Variants in GPAA1 observed in about 807,000 individuals in gnomAD.
The protein encoded by GPAA1 is glycosylphosphatidylinositol anchor attachment 1, also known as GPI-anchor transamidase component GPAA1.
In GPAA1, 54 loss-of-function variants were observed where a neutral mutation model predicts 64.0. That is an observed-to-expected ratio of 0.84 (90% CI 0.68 to 1.06). The LOEUF is 1.06. Ranked by LOEUF, GPAA1 falls within the 50% of genes least tolerant of loss-of-function variation. GPAA1 has a pLI of 0.00. For missense variants in GPAA1, 780 were observed against 822.3 expected (o/e 0.95, Z 0.63); for synonymous variants, 393 against 377.3 (o/e 1.04, Z -0.48).
chr8:144,084,989 C>A, intron 8 of GPAA1, 54 bp from the exon 9 acceptor site: 3 of 1,558,806 alleles, frequency 1.9e-6, no homozygotes, highest in Admixed American at 1.7e-5. Context: ...AGCCCTGGGT[C>A]CCCCTCTGGG....
chr8:144,086,086 C>G lies in GPAA1; in HGVS notation c.1827C>G (p.Pro609=). The part of the protein sequence containing the change: ...LFPLLSLGLY[P]CWLLFWNVLF... ...CACTGCTGTCCCTGGGCCTCTACCC[C>G]TGCTGGCTGCTTTTCTGGAATGTGC... Residue 609 remains proline (P), a synonymous_variant, in exon 12 of 12, where the codon CCC becomes CCG. Coordinates refer to ENST00000355091, the MANE Select transcript of GPAA1 (RefSeq NM_003801.4). 6.2e-7 allele frequency: 1 copy of G among 1,613,722 alleles called. No individual in the cohort carries two copies. Among genetic ancestry groups the G allele is most frequent in the East Asian group, 2.2e-5 (1 of 44,880 alleles).
Position 144,085,594 on chromosome 8 carries a change from A to T in GPAA1, c.1473A>T (p.Pro491=), listed in dbSNP as rs968626124. The T allele has an allele frequency of 8.7e-6, 14 of 1,613,598 alleles. No homozygotes were observed. Among genetic ancestry groups the T allele is most frequent in the Middle Eastern group, 1.6e-4 (1 of 6,082 alleles). ...ACAGGGTGGTAAGCACACAGGCCCC[A>T]GACAGGGGCTGGATGGCACTGAAGC... ...NTHRVVSTQA[P]DRGWMALKLV... Residue 491 remains proline, a synonymous_variant, in exon 11 of 12, where the codon CCA becomes CCT. Transcript: ENST00000355091.
chr8:144,082,736 C>G lies in GPAA1; in HGVS notation c.6C>G (p.Gly2=). The change falls in exon 1 of 12, where the codon GGC becomes GGG. Residue 2 remains glycine, a synonymous_variant. Transcript: ENST00000355091. ...CCGCGCCGCCCTGCCCCGCCATGGG[C>G]CTCCTGTCGGACCCGGTTCGCCGGC... M[G]LLSDPVRRRA... is the part of the protein sequence containing the mutation. 1 of 1,459,706 alleles carries G rather than the reference C, an allele frequency of 6.9e-7. No homozygotes were observed. Among genetic ancestry groups the G allele is most frequent in the African/African-American group, 1.5e-5 (1 of 67,992 alleles). 90.4% of individuals were successfully genotyped at this position (1,459,706 alleles called of 1,614,324 possible).
chr8:144,083,648 T>TG lies in GPAA1; in HGVS notation c.367-60dup, dbSNP rs1374732770. On this transcript the variant is annotated intron_variant, in intron 3 of 11. Transcript: ENST00000355091. Reference sequence around the variant, plus strand: ...GGGCACTGGAGGGCTAGGAAAGTTGTGGGGGGCCCTTCAGCCCCCTACCAC... The same window carrying TG: ...GGGCACTGGAGGGCTAGGAAAGTTGTGGGGGGGCCCTTCAGCCCCCTACCAC... 10 of 1,511,070 alleles carry TG rather than the reference T, an allele frequency of 6.6e-6. No homozygotes were observed. The African/African-American group carries it at 8.2e-5, about 12-fold the overall frequency. The allele number at this position is 1,511,070 out of a possible 1,614,324, so 93.6% of individuals were successfully genotyped here.
chr8:144,082,830 G>C (rs782014386), intron 1 of GPAA1, 26 bp downstream of exon 1: 69 of 1,381,854 alleles, frequency 5.0e-5, no homozygotes, highest in Non-Finnish European at 6.2e-5. Context: ...GGGGAGGCGG[G>C]GACCCGAGGG....
rs1554764273 is a variant in GPAA1, at chr8:144,085,640, G to A, written c.1519G>A (p.Ala507Thr). The change falls in exon 11 of 12, where the codon GCA (alanine) becomes ACA (threonine). Residue 507 changes from alanine (A) to threonine (T), a missense_variant. Coordinates refer to ENST00000355091, the MANE Select transcript of GPAA1 (RefSeq NM_003801.4). Reference protein sequence around the residue: ...ALKLVALIYLALQLGCIALTN... With the variant: ...ALKLVALIYLTLQLGCIALTN... ...GAAGCTGGTAGCCCTGATCTACCTA[G>A]CACTGCAGCTGGGCTGCATCGCCCT... 3 of 1,613,802 alleles carry A rather than the reference G, an allele frequency of 1.9e-6. No homozygotes were observed. In the South Asian group the frequency reaches 3.3e-5, roughly 18 times the overall value.
rs530074041 is a variant in GPAA1 at position 144,084,650 on chromosome 8, G to A, written c.1010+41G>A. 5 of 1,607,254 alleles carry A rather than the reference G, an allele frequency of 3.1e-6. No individual in the cohort carries two copies. In the South Asian group the frequency reaches 3.3e-5, roughly 11 times the overall value. On this transcript the variant is annotated intron_variant, in intron 7 of 11. Transcript: ENST00000355091. The stretch of plus-strand genomic sequence containing the variant: ...TCCCCCCTTTCCATGCCCAGGATGG[G>A]GTCTAGCTGGAGCGGAGTGGGGGAT...
rs1835941035 is a variant in GPAA1 at position 144,083,417 on chromosome 8, A to G, written c.283A>G (p.Thr95Ala). The G allele has an allele frequency of 6.2e-7, 1 of 1,613,462 alleles. No homozygotes were observed. Among genetic ancestry groups the G allele is most frequent in the South Asian group, 1.1e-5 (1 of 91,074 alleles). The change falls in exon 3 of 12, where the codon ACG becomes GCG. Residue 95 changes from threonine to alanine, a missense_variant. Physicochemically the swap from Thr to Ala is moderately conservative, Grantham distance 58. Transcript: ENST00000355091. ...GALPVAWLERTMRSVGLEVYT... is the reference protein window; with the variant it reads ...GALPVAWLERAMRSVGLEVYT... ...TCTGCCAGTGGCCTGGCTTGAACGG[A>G]CGATGCGGTCAGTAGGGCTGGAGGT...
At chr8:144,084,109 A>G (rs782322806) in intron 5 of GPAA1, 25 bp from the exon 6 acceptor site, 2 of 1,611,902 alleles carry the variant, frequency 1.2e-6, no homozygotes, top group East Asian at 4.5e-5. Context: ...GTCCTCCATT[A>G]GCACTCATTC....
At chr8:144,083,664 C>G in intron 3 of GPAA1, 50 bp from the exon 4 acceptor site, 1 of 1,559,530 alleles carries the variant, frequency 6.4e-7, no homozygotes, top group Non-Finnish European at 8.7e-7. Context: ...GCCCTTCAGC[C>G]CCCTACCACA....
In GPAA1 at chr8:144,084,145, T is replaced by C; in HGVS notation, c.628T>C (p.Ser210Pro). 6.2e-7 allele frequency: 1 copy of C among 1,613,386 alleles called. No individual in the cohort carries two copies. Among genetic ancestry groups the C allele is most frequent in the Non-Finnish European group, 8.5e-7 (1 of 1,179,888 alleles). Reference sequence around the variant, plus strand: ...ACTTGCTCCTACAGGCATGCAGTCGTCTCCCCTGCAGGGCCGAGCTGGGGC... The same window carrying C: ...ACTTGCTCCTACAGGCATGCAGTCGCCTCCCCTGCAGGGCCGAGCTGGGGC... Reference protein sequence around the residue: ...HDVNVTGMQSSPLQGRAGAIQ... With the variant: ...HDVNVTGMQSPPLQGRAGAIQ... The change falls in exon 6 of 12, where the codon TCT becomes CCT. Residue 210 changes from serine (S) to proline (P), a missense_variant. Physicochemically the swap from Ser to Pro is moderately conservative, Grantham distance 74 (BLOSUM62 -1). Transcript: ENST00000355091.
In GPAA1 at chr8:144,083,966, T is replaced by A; in HGVS notation, c.542T>A (p.Val181Asp). 1 of 1,613,998 alleles carries A rather than the reference T, an allele frequency of 6.2e-7. No homozygotes were observed. The highest frequency in any genetic ancestry group is 8.5e-7 in the Non-Finnish European group (1 of 1,179,966). ...RGQIYWAKDI[V>D]FLVTEHDLLG... ...CAGATTTATTGGGCCAAAGATATCG[T>A]CTTCCTGGTAACAGAACATGACCTT... The change falls in exon 5 of 12, where the codon GTC (valine) becomes GAC (aspartate). Residue 181 changes from valine (V) to aspartate (D), a missense_variant. By Grantham distance (152) the Val-to-Asp change is radical. Transcript: ENST00000355091.
In GPAA1 at chr8:144,086,053, G is replaced by A; in HGVS notation, c.1794G>A (p.Leu598=). Residue 598 remains leucine (L), a synonymous_variant, in exon 12 of 12, where the codon CTG becomes CTA. Transcript: ENST00000355091. ...GVLEHHTYGA[L]LFPLLSLGLY... ...TGGAGCACCACACCTACGGCGCCCT[G>A]CTCTTCCCACTGCTGTCCCTGGGCC... is the stretch of plus-strand genomic sequence containing the variant. 6 of 1,613,224 alleles carry A rather than the reference G, an allele frequency of 3.7e-6. No homozygotes were observed. Among genetic ancestry groups the A allele is most frequent in the Non-Finnish European group, 5.1e-6 (6 of 1,179,934 alleles).
In GPAA1 at chr8:144,085,290, G is replaced by T. The variant is rs1554764186; in HGVS notation, c.1262G>T (p.Gly421Val). 6.2e-7 allele frequency: 1 copy of T among 1,600,206 alleles called. No homozygotes were observed. The highest frequency in any genetic ancestry group is 1.3e-5 in the African/African-American group (1 of 74,882). The change falls in exon 10 of 12, where the codon GGT becomes GTT. Residue 421 changes from glycine to valine, a missense_variant and splice_region_variant. Gly to Val is a moderately radical substitution (Grantham distance 109). Coordinates refer to ENST00000355091, the MANE Select transcript of GPAA1 (RefSeq NM_003801.4). ...TCCAAGAGCCTGTGTGCCCTGCAGG[G>T]TGTGGGGCTGGCCTCGCTCGTGGCA... is the stretch of plus-strand genomic sequence containing the variant. ...GPSVPLPPSQ[G>V]VGLASLVAPL...
At chr8:144,084,669 G>T (rs1373074327) in intron 7 of GPAA1, 53 bp from the exon 8 acceptor site, 76 of 1,608,376 alleles carry the variant, frequency 4.7e-5, no homozygotes, top group Non-Finnish European at 6.0e-5. Flanking sequence ...GGAGCGGAGT[G>T]GGGGATGGCC....
rs1197144848 is a variant in GPAA1, at chr8:144,084,542, G to T, written c.943G>T (p.Glu315Ter). The change falls in exon 7 of 12, where the codon GAG becomes TAG. Residue 315 changes from glutamate (E) to a stop codon, truncating the protein, a stop_gained. Transcript: ENST00000355091. LOFTEE classifies it high-confidence loss of function. ...TGGCCTCTTCCTGCGCTACCGTGTG[G>T]AGGCCCTAACCCTGCGTGGCATCAA... ...SHGLFLRYRV[E>*]ALTLRGINSF... The T allele has an allele frequency of 1.2e-6, 2 of 1,613,896 alleles. No homozygotes were observed. Among genetic ancestry groups the T allele is most frequent in the Admixed American group, 1.7e-5 (1 of 60,010 alleles).
At position 144,085,306 on chromosome 8, in the gene GPAA1, G is replaced by A. The variant is rs782326011; in HGVS notation, c.1278G>A (p.Ser426=). The A allele has an allele frequency of 5.6e-6, 9 of 1,605,168 alleles. No homozygotes were observed. Among genetic ancestry groups the A allele is most frequent in the Middle Eastern group, 1.7e-4 (1 of 6,010 alleles). Residue 426 remains serine, a synonymous_variant, in exon 10 of 12, where the codon TCG becomes TCA. Coordinates refer to ENST00000355091, the MANE Select transcript of GPAA1 (RefSeq NM_003801.4). The stretch of plus-strand genomic sequence containing the variant: ...CCCTGCAGGGTGTGGGGCTGGCCTC[G>A]CTCGTGGCACCTCTGCTGATCTCAC... ...LPPSQGVGLA[S]LVAPLLISQA...
rs1835981178 is a variant in GPAA1 at position 144,085,448 on chromosome 8, G to C, written c.1420G>C (p.Ala474Pro). ...VVLTLLAIYA[A>P]GLALPHNTHR... is the part of the protein sequence containing the mutation. ...GCTGACACTGCTGGCGATTTATGCA[G>C]CTGGCCTGGCCCTGCCCCACAATAC... Residue 474 changes from alanine to proline, a missense_variant, in exon 10 of 12, where the codon GCT (alanine) becomes CCT (proline). Transcript: ENST00000355091. The C allele has an allele frequency of 6.2e-7, 1 of 1,603,732 alleles. No homozygotes were observed.
At position 144,085,633 on chromosome 8, in the gene GPAA1, C is replaced by T; in HGVS notation, c.1512C>T (p.Ile504=). 6.2e-7 allele frequency: 1 copy of T among 1,613,842 alleles called. No homozygotes were observed. Among genetic ancestry groups the T allele is most frequent in the Non-Finnish European group, 8.5e-7 (1 of 1,179,892 alleles). Reference sequence around the variant, plus strand: ...TGGCACTGAAGCTGGTAGCCCTGATCTACCTAGCACTGCAGCTGGGCTGCA... The same window carrying T: ...TGGCACTGAAGCTGGTAGCCCTGATTTACCTAGCACTGCAGCTGGGCTGCA... ...GWMALKLVAL[I]YLALQLGCIA... The change falls in exon 11 of 12, where the codon ATC becomes ATT. Residue 504 remains isoleucine, a synonymous_variant. Transcript: ENST00000355091.
Sources: gnomAD v4.1 joint callset for allele counts on GRCh38, gnomAD v4.1.1 for gene constraint, MANE v1.5 for transcripts, NCBI Gene and HGNC (gene_info 2026-07-23, HGNC 2026-07-21) for gene names.